Variants in FANCL observed in about 807,000 individuals in gnomAD.
FANCL encodes FA complementation group L.
Under a neutral mutation model 59.4 loss-of-function variants are expected in FANCL, and 69 were observed. The ratio of observed to expected loss-of-function variants is 1.16; its 90% confidence interval spans 0.96 to 1.42. The LOEUF is 1.42. FANCL is among the 40% of genes most tolerant of loss of function. The pLI, the probability that FANCL is intolerant of heterozygous loss-of-function variation, is 0.00. For missense variants in FANCL, 519 were observed against 447.2 expected, an observed-to-expected ratio of 1.16 and a Z score of -1.45; for synonymous variants, 180 against 147.1, an observed-to-expected ratio of 1.22 and a Z score of -1.62.
chr2:58,200,318 A>G (rs2105114575), intron 6 of FANCL, among the ~76,000 whole-genome samples: 1 of 152,188 alleles, frequency 6.6e-6, no homozygotes, highest in African/African-American at 2.4e-5. Context: ...ACTAAGTTGT[A>G]TGATCCTGAA....
intron 7 of FANCL, among the ~76,000 whole-genome samples, chr2:58,178,169 G>C (rs2104934796): frequency 6.6e-6 from 1 of 152,228 alleles, no homozygotes; most frequent in East Asian, 1.9e-4. Flanking sequence ...GTACAAAGAA[G>C]AGCTGGTACC....
chr2:58,173,644 C>T (rs1266268495), intron 7 of FANCL, among the ~76,000 whole-genome samples: 2 of 152,124 alleles, frequency 1.3e-5, no homozygotes, highest in African/African-American at 4.8e-5. Flanking sequence ...AAGCACTAAA[C>T]ATGGAAAGGA....
intron 7 of FANCL, among the ~76,000 whole-genome samples, chr2:58,187,239 A>G (rs1688492871): frequency 6.6e-6 from 1 of 152,162 alleles, no homozygotes; most frequent in Admixed American, 6.5e-5. Context: ...GCAGCCATAA[A>G]AAAGGATGAG....
chr2:58,232,566 A>G (rs1693682697), intron 1 of FANCL, among the ~76,000 whole-genome samples: 1 of 152,082 alleles, frequency 6.6e-6, no homozygotes, highest in Non-Finnish European at 1.5e-5. Flanking sequence ...TCTAAATTTT[A>G]ATAAAATGAA....
intron 6 of FANCL, among the ~76,000 whole-genome samples, chr2:58,201,029 C>CATAAATAT (rs1430545035): frequency 2.0e-5 from 3 of 150,124 alleles, no homozygotes; most frequent in Non-Finnish European, 4.5e-5. Flanking sequence ...TTATGTAAGT[C>CATAAATAT]TGGATGATTT....
At chr2:58,188,432 GTTTT>G (rs1297142900) in intron 7 of FANCL, among the ~76,000 whole-genome samples, 8 of 151,454 alleles carry the variant, frequency 5.3e-5, no homozygotes, top group Non-Finnish European at 8.8e-5. Context: ...TAATTTCGGG[GTTTT>G]TTTGTTTTTT....
At chr2:58,225,293 G>C (rs1173215231) in intron 4 of FANCL, among the ~76,000 whole-genome samples, 1 of 150,520 alleles carries the variant, frequency 6.6e-6, no homozygotes, top group Non-Finnish European at 1.5e-5. Flanking sequence ...TCTAAAAATT[G>C]GTTTCTGTTT....
chr2:58,215,151 A>G (rs945197914), intron 5 of FANCL, among the ~76,000 whole-genome samples: 12 of 152,194 alleles, frequency 7.9e-5, no homozygotes, highest in Non-Finnish European at 1.5e-4. Context: ...TATTCCATCA[A>G]TCTATACCTA....
intron 7 of FANCL, among the ~76,000 whole-genome samples, chr2:58,193,987 C>T (rs1689185296): frequency 6.6e-6 from 1 of 151,400 alleles, no homozygotes; most frequent in African/African-American, 2.5e-5. Flanking sequence ...GGATAATGCT[C>T]CCTGCTATGT....
chr2:58,188,931 AGAAT>A (rs1175252008), intron 7 of FANCL, among the ~76,000 whole-genome samples: 2 of 152,234 alleles, frequency 1.3e-5, no homozygotes, highest in African/African-American at 4.8e-5. Context: ...TACCAAAAAA[AGAAT>A]GAACTATATT....
intron 1 of FANCL, among the ~76,000 whole-genome samples, chr2:58,236,462 G>GT (rs1694033084): frequency 6.7e-6 from 1 of 149,620 alleles, no homozygotes; most frequent in African/African-American, 2.5e-5. Flanking sequence ...TAAGCAACTA[G>GT]TTAAAAAAAA....
intron 5 of FANCL, among the ~76,000 whole-genome samples, chr2:58,207,400 T>A (rs1243750069): frequency 6.6e-6 from 1 of 152,160 alleles, no homozygotes; most frequent in Non-Finnish European, 1.5e-5. Flanking sequence ...TAAGTTAATT[T>A]AAATGTAAAT....
Position 58,173,318 on chromosome 2 carries a change from C to T in FANCL, c.541-7444G>A, listed in dbSNP as rs192349864. Among the ~76,000 whole-genome samples, 16 of 152,182 alleles carry T rather than the reference C, an allele frequency of 1.1e-4. 1 individual carries two copies. Among genetic ancestry groups the T allele is most frequent in the Admixed American group, 1.0e-3 (16 of 15,294 alleles). ...AAAGATACTCTCGAGAAGAGCAACT[C>T]CAAGACACATAATTGTCAGATTCAC... On this transcript the variant is annotated intron_variant, in intron 7 of 13. Transcript: ENST00000233741.
At chr2:58,224,406 G>T (rs920016148) in intron 4 of FANCL, among the ~76,000 whole-genome samples, 6 of 151,800 alleles carry the variant, frequency 4.0e-5, no homozygotes, top group Admixed American at 2.6e-4. Context: ...GATGTAATTT[G>T]TAATCAAGTT....
At chr2:58,199,028 C>CA (rs772182737) in intron 6 of FANCL, among the ~76,000 whole-genome samples, 7,045 of 60,716 alleles carry the variant, frequency 0.12, 241 homozygotes, top group East Asian at 0.19. Flanking sequence ...ATCTCCATCT[C>CA]AAAAAAAAAA....
chr2:58,190,468 GAA>G (rs34333134), intron 7 of FANCL, among the ~76,000 whole-genome samples: 21 of 87,886 alleles, frequency 2.4e-4, no homozygotes, highest in South Asian at 4.0e-4. Flanking sequence ...TATTCAAAAA[GAA>G]AAAAAAAAAA....
At chr2:58,211,073 C>A (rs1006948327) in intron 5 of FANCL, among the ~76,000 whole-genome samples, 3 of 152,220 alleles carry the variant, frequency 2.0e-5, no homozygotes, top group Non-Finnish European at 4.4e-5. Flanking sequence ...TCAGTAGGGA[C>A]TCTGTGTGGG....
intron 5 of FANCL, among the ~76,000 whole-genome samples, chr2:58,210,140 C>A (rs943766089): frequency 1.3e-5 from 2 of 152,116 alleles, no homozygotes; most frequent in Non-Finnish European, 2.9e-5. Context: ...ATGATTATTA[C>A]AATAAATGTA....
At chr2:58,232,622 G>A (rs1693687340) in intron 1 of FANCL, among the ~76,000 whole-genome samples, 1 of 151,642 alleles carries the variant, frequency 6.6e-6, no homozygotes, top group African/African-American at 2.4e-5. Flanking sequence ...TGAAATACTT[G>A]CATAAATCAG....
Sources: gnomAD v4.1 joint callset for allele counts (sites outside exome capture counted in the v4.1 genomes callset) on GRCh38, gnomAD v4.1.1 for gene constraint, MANE v1.5 for transcripts, NCBI Gene and HGNC (gene_info 2026-07-23, HGNC 2026-07-21) for gene names.